The following ACAD9 variants were observed in gnomAD, a reference collection of about 807,000 sequenced individuals.
The protein encoded by ACAD9 is complex I assembly factor ACAD9, mitochondrial.
In ACAD9, 53 loss-of-function variants were observed where a neutral mutation model predicts 70.2. That is an observed-to-expected ratio of 0.75 (90% CI 0.61 to 0.95). The LOEUF (loss-of-function observed/expected upper bound fraction) is 0.95, where lower values mean the gene tolerates loss of function less well. Among genes scored for constraint, ACAD9 ranks in the 40% least tolerant of loss-of-function variants. The pLI, the probability that ACAD9 is intolerant of heterozygous loss-of-function variation, is 0.00. For missense variants in ACAD9, 777 were observed against 802.8 expected, an observed-to-expected ratio of 0.97 and a Z score of 0.39; for synonymous variants, 313 against 312.1, an observed-to-expected ratio of 1.00 and a Z score of -0.03.
chr3:128,909,977 T>C, intron 15 of ACAD9, 44 bp from the exon 16 acceptor site: 1 of 1,608,288 alleles, frequency 6.2e-7, no homozygotes, highest in South Asian at 1.1e-5. Context: ...TGTGGGGGAC[T>C]GGTCTAGGTA....
chr3:128,880,830 C>T (rs893844117), intron 1 of ACAD9, among the ~76,000 whole-genome samples: 6 of 152,212 alleles, frequency 3.9e-5, no homozygotes, highest in Non-Finnish European at 8.8e-5. Flanking sequence ...GAGCTGGCTT[C>T]AACACTTAGT....
intron 4 of ACAD9, 60 bp downstream of exon 4, chr3:128,895,476 G>C (rs150925947): frequency 6.8e-7 from 1 of 1,468,178 alleles, no homozygotes; most frequent in East Asian, 2.5e-5. Context: ...TCACATGGAG[G>C]CATAGAGGCC....
intron 16 of ACAD9, 106 bp from the exon 17 acceptor site, chr3:128,910,635 T>C (rs1248831775): frequency 8.1e-7 from 1 of 1,239,736 alleles, no homozygotes; most frequent in African/African-American, 1.5e-5. Context: ...CCAGGCCTTG[T>C]GACCCCTGCC....
At chr3:128,887,256 G>T (rs939042557) in intron 2 of ACAD9, among the ~76,000 whole-genome samples, 12 of 152,012 alleles carry the variant, frequency 7.9e-5, no homozygotes, top group African/African-American at 2.9e-4. Context: ...CACACTTCCA[G>T]GACATAGGGC....
intron 1 of ACAD9, chr3:128,880,104 T>A: frequency 7.8e-7 from 1 of 1,275,780 alleles, no homozygotes; most frequent in Non-Finnish European, 1.1e-6. Context: ...CGGAAAACTC[T>A]AGGCTAGGTA....
rs113671636 is a variant in ACAD9, at chr3:128,909,001, G to A, written c.1387G>A (p.Val463Ile). ...GCTTAAACAGGCCAAAGTGAGCACAGTCATGGATACCGTTGGCCGGAGGCT... is the reference window on the plus strand; with the variant it reads ...GCTTAAACAGGCCAAAGTGAGCACAATCATGGATACCGTTGGCCGGAGGCT... ...HELKQAKVST[V>I]MDTVGRRLRD... Residue 463 changes from valine to isoleucine, a missense_variant, in exon 14 of 18, where the codon GTC becomes ATC. By Grantham distance (29) the Val-to-Ile change is conservative. Coordinates refer to ENST00000308982, the MANE Select transcript of ACAD9 (RefSeq NM_014049.5). 16 of 1,614,208 alleles carry A rather than the reference G, an allele frequency of 9.9e-6. No individual in the cohort carries two copies. Among genetic ancestry groups the A allele is most frequent in the African/African-American group, 9.3e-5 (7 of 75,064 alleles).
Position 128,910,019 on chromosome 3 carries a change from A to G in ACAD9, c.1564-2A>G. On this transcript the variant is annotated splice_acceptor_variant, in intron 15 of 17. Transcript: ENST00000308982. LOFTEE classifies it high-confidence loss of function. ...CCCCACTTGGAGCCTCTGTGATCCC[A>G]GACCATCATGGAGGAGCAGCTGGTA... 6.2e-7 allele frequency: 1 copy of G among 1,613,458 alleles called. No individual in the cohort carries two copies. Among genetic ancestry groups the G allele is most frequent in the Non-Finnish European group, 8.5e-7 (1 of 1,179,866 alleles).
intron 11 of ACAD9, among the ~76,000 whole-genome samples, chr3:128,905,114 C>T (rs911524323): frequency 6.6e-6 from 1 of 151,942 alleles, no homozygotes; most frequent in Non-Finnish European, 1.5e-5. Flanking sequence ...TGCCATTGCA[C>T]ACCAGCCTAG....
intron 6 of ACAD9, 137 bp from the exon 7 acceptor site, chr3:128,899,150 T>G (rs1419086606): frequency 2.4e-6 from 2 of 826,024 alleles, no homozygotes; most frequent in Non-Finnish European, 3.9e-6. Context: ...CATGCTTGGT[T>G]GGCTTCTGCA....
intron 12 of ACAD9, among the ~76,000 whole-genome samples, chr3:128,907,497 C>T (rs980411844): frequency 1.3e-5 from 2 of 152,160 alleles, no homozygotes; most frequent in South Asian, 2.1e-4. Context: ...GGAGCCTGCT[C>T]GGAGCTGGGT....
intron 3 of ACAD9, 145 bp downstream of exon 3, chr3:128,893,801 G>C (rs1357598612): frequency 1.2e-5 from 9 of 720,892 alleles, no homozygotes; most frequent in Non-Finnish European, 2.2e-5. Context: ...GGACCTGTAG[G>C]GAGGAAGTGT....
In ACAD9 at chr3:128,909,880, A is replaced by G. The variant is rs75330990; in HGVS notation, c.1564-141A>G. On this transcript the variant is annotated intron_variant, in intron 15 of 17. Transcript: ENST00000308982. ...GGTGGCTGGGAGCCGTTCTCCCACA[A>G]CCTGAAGAGAAAGGTGTTATTGACT... The G allele has an allele frequency of 0.023, 27,643 of 1,219,148 alleles. 407 individuals carry two copies. The highest frequency in any genetic ancestry group is 0.072 in the Middle Eastern group (284 of 3,934). 75.5% of individuals were successfully genotyped at this position (1,219,148 alleles called of 1,614,324 possible). A position where few individuals can be genotyped will look rare whatever the true frequency, so the allele number is the denominator to read the frequency against.
chr3:128,911,246 C>G (rs1294620288), intron 17 of ACAD9, among the ~76,000 whole-genome samples: 4 of 152,010 alleles, frequency 2.6e-5, no homozygotes. Flanking sequence ...TTAGTAGAAA[C>G]AGGGTTTCAC....
chr3:128,900,869 C>T (rs1935717932), intron 7 of ACAD9, among the ~76,000 whole-genome samples: 1 of 152,110 alleles, frequency 6.6e-6, no homozygotes. Context: ...TACCCTAAGG[C>T]TTCAGGAAAT....
chr3:128,888,658 G>A (rs977319777), intron 2 of ACAD9, among the ~76,000 whole-genome samples: 1 of 151,968 alleles, frequency 6.6e-6, no homozygotes, highest in Non-Finnish European at 1.5e-5. Flanking sequence ...TTTGAGAAGT[G>A]CCAAATTGTC....
rs1559832410 is a variant in ACAD9, at chr3:128,910,117, AT to A, written c.1661del (p.Ile554ThrfsTer41). ...TAVLSRASRS[I>X]RIGLRNHDHE... ...CGTGCTGTCGCGGGCCAGCCGCTCC[AT>A]CCGCATTGGGCTCCGCAACCACGAC... is the stretch of plus-strand genomic sequence containing the variant. On this transcript the variant is annotated frameshift_variant, in exon 16 of 18. Transcript: ENST00000308982. LOFTEE classifies it high-confidence loss of function. 6.2e-7 allele frequency: 1 copy of A among 1,614,034 alleles called. No homozygotes were observed. The highest frequency in any genetic ancestry group is 8.5e-7 in the Non-Finnish European group (1 of 1,180,024).
chr3:128,895,481 G>C, intron 4 of ACAD9, 65 bp downstream of exon 4: 1 of 1,432,166 alleles, frequency 7.0e-7, no homozygotes, highest in East Asian at 2.5e-5. Flanking sequence ...TGGAGGCATA[G>C]AGGCCAGAGG....
At position 128,909,060 on chromosome 3, in the gene ACAD9, G is replaced by GCTGA. The variant is rs761901677; in HGVS notation, c.1448_1451dup (p.Gly485AspfsTer19). The GCTGA allele has an allele frequency of 6.2e-7, 1 of 1,614,156 alleles. No homozygotes were observed. The highest frequency in any genetic ancestry group is 2.2e-5 in the East Asian group (1 of 44,882). On this transcript the variant is annotated frameshift_variant, in exon 14 of 18. Coordinates refer to ENST00000308982, the MANE Select transcript of ACAD9 (RefSeq NM_014049.5). LOFTEE classifies it high-confidence loss of function. ...CCCTGGGCCGAACTGTGGACCTGGG[G>GCTGA]CTGACAGGCAACCATGGAGTTGTGC...
At chr3:128,893,708 T>C (rs1268978777) in intron 3 of ACAD9, 52 bp downstream of exon 3, 1 of 1,478,536 alleles carries the variant, frequency 6.8e-7, no homozygotes, top group Non-Finnish European at 9.4e-7. Context: ...GAAAGCACTC[T>C]GTATTTGTCC....
Sources: allele counts gnomAD v4.1 joint callset (sites outside exome capture counted in the v4.1 genomes callset), GRCh38; gene constraint gnomAD v4.1.1; transcripts MANE v1.5; gene names NCBI Gene and HGNC (gene_info 2026-07-23, HGNC 2026-07-21).